CENPE: variants seen among roughly 807,000 people sequenced by gnomAD.
CENPE encodes centromere protein E.
Under a neutral mutation model 336.1 loss-of-function variants are expected in CENPE, and 145 were observed. That is an observed-to-expected ratio of 0.43 (90% CI 0.38 to 0.50). The LOEUF is 0.50. Among genes scored for constraint, CENPE ranks in the 20% least tolerant of loss-of-function variants. The pLI is 0.00. For missense variants in CENPE, 2,719 were observed against 3,023.3 expected, an observed-to-expected ratio of 0.90 and a Z score of 2.36; for synonymous variants, 1,013 against 984.8, an observed-to-expected ratio of 1.03 and a Z score of -0.54.
intron 8 of CENPE, among the ~76,000 whole-genome samples, chr4:103,189,653 C>T (rs1206189775): frequency 6.6e-6 from 1 of 152,150 alleles, no homozygotes; most frequent in African/African-American, 2.4e-5. Flanking sequence ...AAAATAATAA[C>T]AGCTATCTAT....
chr4:103,162,878 A>G (rs1754572142), intron 18 of CENPE, among the ~76,000 whole-genome samples: 1 of 152,140 alleles, frequency 6.6e-6, no homozygotes, highest in Admixed American at 6.6e-5. Flanking sequence ...CTGATTTTTA[A>G]TGGGAGCCTG....
At position 103,120,342 on chromosome 4, in the gene CENPE, A is replaced by G; in HGVS notation, c.7144-9T>C. On this transcript the variant is annotated splice_polypyrimidine_tract_variant and intron_variant, in intron 43 of 48. Transcript: ENST00000265148. Reference sequence around the variant, plus strand: ...TCCAGCTCTCGAATTTTCTATTAGAAAAAGCACACATTCATAAGCTCTATC... The same window carrying G: ...TCCAGCTCTCGAATTTTCTATTAGAGAAAGCACACATTCATAAGCTCTATC... 6.2e-7 allele frequency: 1 copy of G among 1,602,390 alleles called. No individual in the cohort carries two copies. Among genetic ancestry groups the G allele is most frequent in the East Asian group, 2.2e-5 (1 of 44,650 alleles).
intron 46 of CENPE, 107 bp from the exon 47 acceptor site, chr4:103,111,118 C>T (rs2125832969): frequency 8.2e-6 from 6 of 730,882 alleles, no homozygotes; most frequent in Non-Finnish European, 1.1e-5. Context: ...ACCCAAACAG[C>T]TCAAGTCTTA....
At chr4:103,171,980 TCTC>T (rs1755453828) in intron 16 of CENPE, among the ~76,000 whole-genome samples, 1 of 151,754 alleles carries the variant, frequency 6.6e-6, no homozygotes. Flanking sequence ...TAATAAAAAG[TCTC>T]CTATCAAAGA....
intron 8 of CENPE, among the ~76,000 whole-genome samples, chr4:103,190,299 G>A (rs1388602424): frequency 6.6e-6 from 1 of 152,038 alleles, no homozygotes; most frequent in Non-Finnish European, 1.5e-5. Flanking sequence ...CTACTTTAAG[G>A]TTCATATGGA....
At chr4:103,117,941 T>C (rs1210642039) in intron 44 of CENPE, among the ~76,000 whole-genome samples, 1 of 152,218 alleles carries the variant, frequency 6.6e-6, no homozygotes, top group African/African-American at 2.4e-5. Flanking sequence ...TCATTTCTTT[T>C]AATTGCTGAA....
At chr4:103,194,582 A>C (rs186136723) in intron 6 of CENPE, 21 bp downstream of exon 6, 660 of 1,578,688 alleles carry the variant, frequency 4.2e-4, no homozygotes, top group Non-Finnish European at 5.5e-4. Flanking sequence ...TGTTCTAAAG[A>C]AATACAGCAT....
At position 103,139,812 on chromosome 4, in the gene CENPE, T is replaced by C. The variant is rs753107680; in HGVS notation, c.6181A>G (p.Thr2061Ala). ...ACTCTAGCTATCATTTCCCTTAAGG[T>C]TGCTATGAATTGGTCCCTTTCCATT... Reference protein sequence around the residue: ...LKMERDQFIATLREMIARDRQ... With the variant: ...LKMERDQFIAALREMIARDRQ... The change falls in exon 38 of 49, where the codon ACC becomes GCC. Residue 2061 changes from threonine (T) to alanine (A), a missense_variant. By Grantham distance (58) the Thr-to-Ala change is moderately conservative. This residue lies in a region of CENPE where 2,437 missense variants were observed against 2,513.3 expected (regional missense o/e 0.97). Transcript: ENST00000265148. The C allele has an allele frequency of 5.5e-5, 89 of 1,610,212 alleles. No individual in the cohort carries two copies. The highest frequency in any genetic ancestry group is 7.4e-5 in the Non-Finnish European group (87 of 1,178,712).
Position 103,140,989 on chromosome 4 carries a change from CT to C in CENPE, c.5578del (p.Ser1860AlafsTer2), listed in dbSNP as rs749051228. 6.2e-7 allele frequency: 1 copy of C among 1,611,634 alleles called. No individual in the cohort carries two copies. ...TATTTCTAATTTACTCAGAGTTAAG[CT>C]TTGGTCTTTTATTTGTTTCTTTAGT... ...EQLKKQIKDQSLTLSKLEIEN... is the reference protein window; with the variant it reads ...EQLKKQIKDQXLTLSKLEIEN... On this transcript the variant is annotated frameshift_variant, in exon 36 of 49. Coordinates refer to ENST00000265148, the MANE Select transcript of CENPE (RefSeq NM_001813.3). LOFTEE classifies it high-confidence loss of function.
At chr4:103,184,596 T>C (rs1352291465) in intron 9 of CENPE, among the ~76,000 whole-genome samples, 1 of 152,212 alleles carries the variant, frequency 6.6e-6, no homozygotes, top group Non-Finnish European at 1.5e-5. Flanking sequence ...AATCTATCTT[T>C]TCTTTACAAA....
At chr4:103,182,344 G>A (rs958877837) in intron 11 of CENPE, among the ~76,000 whole-genome samples, 1 of 152,084 alleles carries the variant, frequency 6.6e-6, no homozygotes, top group African/African-American at 2.4e-5. Context: ...TAGGCCTTAG[G>A]CTCAGAGAAA....
chr4:103,164,531 A>G (rs986580474), intron 16 of CENPE, among the ~76,000 whole-genome samples: 3 of 152,124 alleles, frequency 2.0e-5, no homozygotes, highest in Non-Finnish European at 4.4e-5. Flanking sequence ...ACACATATGT[A>G]ATTTAAAATT....
intron 8 of CENPE, among the ~76,000 whole-genome samples, chr4:103,191,210 T>C (rs1757288885): frequency 6.6e-6 from 1 of 152,194 alleles, no homozygotes; most frequent in Admixed American, 6.5e-5. Context: ...GACTGTAAAC[T>C]ACTTCAGCCA....
chr4:103,154,246 A>C (rs1398155937), intron 24 of CENPE, among the ~76,000 whole-genome samples: 4 of 151,978 alleles, frequency 2.6e-5, no homozygotes, highest in Non-Finnish European at 4.4e-5. Flanking sequence ...AAACTATTAG[A>C]ATTCTGGTAA....
intron 26 of CENPE, among the ~76,000 whole-genome samples, chr4:103,150,657 T>C (rs1437277510): frequency 6.6e-6 from 1 of 152,096 alleles, no homozygotes; most frequent in African/African-American, 2.4e-5. Context: ...ATATTATCTA[T>C]TATGCAAGTG....
intron 16 of CENPE, among the ~76,000 whole-genome samples, chr4:103,167,994 G>A (rs904233191): frequency 6.6e-6 from 1 of 152,142 alleles, no homozygotes; most frequent in Non-Finnish European, 1.5e-5. Flanking sequence ...CTTGCACAAG[G>A]ACCCAGAAGG....
chr4:103,153,319 T>TA lies in CENPE; in HGVS notation c.3034-70dup. The TA allele has an allele frequency of 1.2e-5, 12 of 978,640 alleles. No individual in the cohort carries two copies. The South Asian group carries it at 1.9e-4, about 16-fold the overall frequency. The allele number at this position is 978,640 out of a possible 1,614,324, so 60.6% of individuals were successfully genotyped here. A position where few individuals can be genotyped will look rare whatever the true frequency, so the allele number is the denominator to read the frequency against. ...CAACAACTTTAAAAAATAATAAAAA[T>TA]AGCCAACACATCTATTATGTGCCAG... On this transcript the variant is annotated intron_variant, in intron 24 of 48. Transcript: ENST00000265148.
Position 103,184,113 on chromosome 4 carries a change from G to A in CENPE, c.746-825C>T, listed in dbSNP as rs535345746. On this transcript the variant is annotated intron_variant, in intron 9 of 48. Coordinates refer to ENST00000265148, the MANE Select transcript of CENPE (RefSeq NM_001813.3). ...ATTTTGAACAGATGTTATTTCACAG[G>A]TGCATTAATTAGCTATTGCTTTAAC... Among the ~76,000 whole-genome samples, 5 of 152,236 alleles carry A rather than the reference G, an allele frequency of 3.3e-5. No individual in the cohort carries two copies. In the South Asian group the frequency reaches 1.0e-3, roughly 32 times the overall value.
rs1750772047 is a variant in CENPE at position 103,122,998 on chromosome 4, T to C, written c.7016A>G (p.Asn2339Ser). ...EQDLKSLKEK[N>S]EKLFKNYQTL... ...TTGGTAGTTTTTAAATAGTTTTTCATTTTTCTCTTTCAGTGATTTCAGGTC... is the reference window on the plus strand; with the variant it reads ...TTGGTAGTTTTTAAATAGTTTTTCACTTTTCTCTTTCAGTGATTTCAGGTC... Residue 2339 changes from asparagine (N) to serine (S), a missense_variant, in exon 43 of 49, where the codon AAT becomes AGT. Coordinates refer to ENST00000265148, the MANE Select transcript of CENPE (RefSeq NM_001813.3). The C allele has an allele frequency of 6.2e-7, 1 of 1,613,834 alleles. No homozygotes were observed. Among genetic ancestry groups the C allele is most frequent in the African/African-American group, 1.3e-5 (1 of 74,920 alleles).
Sources: gnomAD v4.1 joint callset for allele counts (sites outside exome capture counted in the v4.1 genomes callset) on GRCh38, gnomAD v4.1.1 for gene constraint, gnomAD v4.1.1 regional missense constraint, MANE v1.5 for transcripts, NCBI Gene and HGNC (gene_info 2026-07-23, HGNC 2026-07-21) for gene names.